GRM8: variants seen among roughly 807,000 people sequenced by gnomAD.
The protein encoded by GRM8 is metabotropic glutamate receptor 8.
Under a neutral mutation model 87.2 loss-of-function variants are expected in GRM8, and 47 were observed. The observed-to-expected ratio is 0.54, with a 90% CI of 0.43 to 0.69. The LOEUF (loss-of-function observed/expected upper bound fraction) is 0.69. Ranked by LOEUF, GRM8 falls within the 30% of genes least tolerant of loss-of-function variation. The pLI is 0.00. For synonymous variants in GRM8, 396 were observed against 404.5 expected (o/e 0.98, Z 0.25); for missense variants, 1,019 against 1,139.2 (o/e 0.89, Z 1.52).
intron 6 of GRM8, among the ~76,000 whole-genome samples, chr7:126,777,248 G>A (rs568915896): frequency 4.6e-5 from 7 of 152,270 alleles, no homozygotes; most frequent in African/African-American, 1.7e-4. Flanking sequence ...AGGGAAGAGG[G>A]AGGATACAAA....
At chr7:126,672,817 T>G (rs1229021681) in intron 7 of GRM8, among the ~76,000 whole-genome samples, 5 of 152,114 alleles carry the variant, frequency 3.3e-5, no homozygotes, top group Non-Finnish European at 1.5e-5. Flanking sequence ...AGCATCAAAC[T>G]CCAAACACTC....
intron 7 of GRM8, among the ~76,000 whole-genome samples, chr7:126,707,895 T>C (rs1275331359): frequency 2.6e-5 from 4 of 151,638 alleles, no homozygotes; most frequent in African/African-American, 9.7e-5. Context: ...CAATACCAAG[T>C]GGGACTGTAT....
chr7:126,753,479 C>T (rs1239808333), intron 7 of GRM8, among the ~76,000 whole-genome samples: 1 of 151,546 alleles, frequency 6.6e-6, no homozygotes, highest in African/African-American at 2.4e-5. Flanking sequence ...TGTATATACA[C>T]ACATACACAC....
intron 7 of GRM8, among the ~76,000 whole-genome samples, chr7:126,663,591 ACC>A (rs535436669): frequency 6.6e-6 from 1 of 152,156 alleles, no homozygotes; most frequent in African/African-American, 2.4e-5. Flanking sequence ...AAATCTAACA[ACC>A]CTTCATGATA....
At chr7:126,741,586 C>T (rs2299508) in intron 7 of GRM8, among the ~76,000 whole-genome samples, 59,344 of 151,866 alleles carry the variant, frequency 0.39, 12,799 homozygotes, top group Non-Finnish European at 0.48. Flanking sequence ...TCAAGAAGAC[C>T]GGTCTAACAC....
chr7:126,488,858 T>G (rs1807671166), intron 9 of GRM8, among the ~76,000 whole-genome samples: 1 of 151,966 alleles, frequency 6.6e-6, no homozygotes, highest in Non-Finnish European at 1.5e-5. Context: ...AATCTTAATT[T>G]TTTAGTGTAG....
chr7:126,520,197 TAAAAAGAAGTTTAA>T (rs1812776382), intron 9 of GRM8, among the ~76,000 whole-genome samples: 1 of 152,070 alleles, frequency 6.6e-6, no homozygotes, highest in African/African-American at 2.4e-5. Context: ...AAGAGAAGTC[TAAAAAGAAGTTTAA>T]CTTCTTTTCT....
intron 7 of GRM8, among the ~76,000 whole-genome samples, chr7:126,659,091 T>C (rs566736864): frequency 6.9e-4 from 92 of 133,536 alleles, no homozygotes; most frequent in African/African-American, 2.4e-3. Flanking sequence ...CCTTGATCAA[T>C]TCTCTTACAC....
chr7:126,583,962 G>A (rs1016477037), intron 8 of GRM8, among the ~76,000 whole-genome samples: 12 of 152,006 alleles, frequency 7.9e-5, no homozygotes, highest in African/African-American at 2.4e-4. Flanking sequence ...AATCTTTCAC[G>A]AAAGAGTCCA....
At chr7:126,893,868 T>G (rs1454251073) in intron 6 of GRM8, among the ~76,000 whole-genome samples, 2 of 152,046 alleles carry the variant, frequency 1.3e-5, no homozygotes, top group African/African-American at 4.8e-5. Context: ...TCACACTTTA[T>G]GTCTCCTTTG....
intron 3 of GRM8, among the ~76,000 whole-genome samples, chr7:126,911,424 A>G (rs1417055106): frequency 6.6e-6 from 1 of 152,236 alleles, no homozygotes; most frequent in Non-Finnish European, 1.5e-5. Context: ...AGTTGAAATT[A>G]GAATTTAACT....
chr7:126,441,220 G>C (rs1315506721), intron 10 of GRM8, among the ~76,000 whole-genome samples: 7 of 151,936 alleles, frequency 4.6e-5, no homozygotes. Flanking sequence ...TAGAAAACAT[G>C]TGAATTGCCA....
chr7:126,965,134 G>A (rs1809715286), intron 3 of GRM8, among the ~76,000 whole-genome samples: 1 of 151,960 alleles, frequency 6.6e-6, no homozygotes, highest in Non-Finnish European at 1.5e-5. Context: ...CAGGGTGGGG[G>A]AATATCACAT....
intron 7 of GRM8, among the ~76,000 whole-genome samples, chr7:126,700,866 G>A (rs1385179618): frequency 6.6e-6 from 1 of 152,024 alleles, no homozygotes; most frequent in East Asian, 1.9e-4. Flanking sequence ...AAGATACTTT[G>A]TGTTTATGTT....
chr7:126,697,368 C>T (rs1277594188), intron 7 of GRM8, among the ~76,000 whole-genome samples: 1 of 152,084 alleles, frequency 6.6e-6, no homozygotes, highest in Non-Finnish European at 1.5e-5. Flanking sequence ...ATACTAGAAA[C>T]TGGCTAAGAC....
At chr7:126,928,897 G>A (rs1443350343) in intron 3 of GRM8, among the ~76,000 whole-genome samples, 1 of 152,162 alleles carries the variant, frequency 6.6e-6, no homozygotes. Flanking sequence ...ATTCAAGGGT[G>A]ATGCAGAACC....
chr7:126,660,725 T>G (rs1297898240), intron 7 of GRM8, among the ~76,000 whole-genome samples: 1 of 152,224 alleles, frequency 6.6e-6, no homozygotes, highest in Non-Finnish European at 1.5e-5. Flanking sequence ...AAAATACCCC[T>G]GACTAATCAG....
Position 126,615,864 on chromosome 7 carries a change from G to A in GRM8, c.1358-6366C>T, listed in dbSNP as rs185948382. 5.4e-3 allele frequency among the ~76,000 whole-genome samples: 817 copies of A among 152,254 alleles called. 5 individuals carry two copies. The highest frequency in any genetic ancestry group is 9.0e-3 in the Non-Finnish European group (609 of 68,022). ...TATGCACCCAATACAGGAGCACCCA[G>A]ATTCATAAAGCAAGTACTTAGAGAC... On this transcript the variant is annotated intron_variant, in intron 7 of 10. Coordinates refer to ENST00000339582, the MANE Select transcript of GRM8 (RefSeq NM_000845.3).
At chr7:126,612,279 T>A (rs1798999065) in intron 7 of GRM8, among the ~76,000 whole-genome samples, 1 of 152,184 alleles carries the variant, frequency 6.6e-6, no homozygotes, top group African/African-American at 2.4e-5. Context: ...GTTTTCCTGA[T>A]GTCACTCTCA....
Sources: gnomAD v4.1 joint callset for allele counts (sites outside exome capture counted in the v4.1 genomes callset) on GRCh38, gnomAD v4.1.1 for gene constraint, MANE v1.5 for transcripts, NCBI Gene and HGNC (gene_info 2026-07-23, HGNC 2026-07-21) for gene names.